The following TRAPPC8 variants were observed in gnomAD, a reference collection of about 807,000 sequenced individuals.
The protein encoded by TRAPPC8 is trafficking protein particle complex subunit 8.
Under a neutral mutation model 174.3 loss-of-function variants are expected in TRAPPC8, and 54 were observed. That is an observed-to-expected ratio of 0.31 (90% CI 0.25 to 0.39). The LOEUF (loss-of-function observed/expected upper bound fraction) is 0.39. TRAPPC8 is among the 10% of genes least tolerant of loss of function. The probability of loss-of-function intolerance (pLI) is 1.00; values close to 1 mark genes in which losing one functional copy is unlikely to be tolerated. For synonymous variants in TRAPPC8, 630 were observed against 579.9 expected (o/e 1.09, Z -1.24); for missense variants, 1,531 against 1,699.1 (o/e 0.90, Z 1.74).
At position 31,862,540 on chromosome 18, in the gene TRAPPC8, T is replaced by C. The variant is rs1242925417; in HGVS notation, c.2745+2087A>G. ...ACTAAAAAACAAAGTTTGAGCCTTA[T>C]CTCTTGACAACCAGAAACTGGCATT... On this transcript the variant is annotated intron_variant, in intron 19 of 28. Coordinates refer to ENST00000283351, the MANE Select transcript of TRAPPC8 (RefSeq NM_014939.5). 2.6e-5 allele frequency among the ~76,000 whole-genome samples: 4 copies of C among 152,130 alleles called. No individual in the cohort carries two copies. In the East Asian group the frequency reaches 7.7e-4, roughly 29 times the overall value.
chr18:31,924,738 C>CAAAAAA (rs398032376), intron 2 of TRAPPC8, among the ~76,000 whole-genome samples: 3 of 91,868 alleles, frequency 3.3e-5, no homozygotes, highest in African/African-American at 8.7e-5. Flanking sequence ...AACTCCGTCT[C>CAAAAAA]AAAAAAAAAA....
At position 31,837,951 on chromosome 18, in the gene TRAPPC8, TA is replaced by T. The variant is rs201699967; in HGVS notation, c.3983+1360del. Among the ~76,000 whole-genome samples, 654 of 136,744 alleles carry T rather than the reference TA, an allele frequency of 4.8e-3. 5 individuals carry two copies. The highest frequency in any genetic ancestry group is 0.017 in the African/African-American group (611 of 36,638). 89.7% of individuals were successfully genotyped at this position (136,744 alleles called of 152,430 possible). A position where few individuals can be genotyped will look rare whatever the true frequency, so the allele number is the denominator to read the frequency against. On this transcript the variant is annotated intron_variant, in intron 27 of 28. Coordinates refer to ENST00000283351, the MANE Select transcript of TRAPPC8 (RefSeq NM_014939.5). ...ATAATCATTTAGGTGTTAGCTTTGTTAAAAAAAAAATCACTTAAAAAAAAAA... is the reference window on the plus strand; with the variant it reads ...ATAATCATTTAGGTGTTAGCTTTGTTAAAAAAAAATCACTTAAAAAAAAAA...
At chr18:31,938,101 C>T (rs1379225750) in intron 1 of TRAPPC8, among the ~76,000 whole-genome samples, 1 of 152,094 alleles carries the variant, frequency 6.6e-6, no homozygotes, top group African/African-American at 2.4e-5. Context: ...TTAAAACTTA[C>T]AGAACATCTA....
intron 9 of TRAPPC8, among the ~76,000 whole-genome samples, chr18:31,905,014 A>AGTGTGTGTGTGTGTGTTTTCCCT (rs1176713061): frequency 6.7e-6 from 1 of 149,650 alleles, no homozygotes; most frequent in African/African-American, 2.4e-5. Flanking sequence ...TGGGCAACAG[A>AGTGTGTGTGTGTGTGTTTTCCCT]GTGAGATTCC....
intron 10 of TRAPPC8, among the ~76,000 whole-genome samples, chr18:31,898,699 T>C (rs1350710066): frequency 2.6e-5 from 4 of 152,270 alleles, no homozygotes. Flanking sequence ...ATTTTAGTTT[T>C]TTTTGTAAAA....
At chr18:31,836,381 T>C (rs1424143305) in intron 27 of TRAPPC8, among the ~76,000 whole-genome samples, 2 of 152,234 alleles carry the variant, frequency 1.3e-5, no homozygotes, top group East Asian at 3.8e-4. Flanking sequence ...CTGTTTCACA[T>C]AGATTCCATA....
intron 26 of TRAPPC8, among the ~76,000 whole-genome samples, chr18:31,841,026 A>G (rs1284160951): frequency 1.3e-5 from 2 of 152,180 alleles, no homozygotes; most frequent in South Asian, 2.1e-4. Flanking sequence ...CCAGAAATCT[A>G]TCCCACAAAA....
At chr18:31,838,162 T>A (rs2032873634) in intron 27 of TRAPPC8, among the ~76,000 whole-genome samples, 1 of 152,122 alleles carries the variant, frequency 6.6e-6, no homozygotes. Context: ...ATATTTTTTC[T>A]CTTAAAGTCA....
intron 19 of TRAPPC8, among the ~76,000 whole-genome samples, chr18:31,861,914 T>A (rs1403526061): frequency 2.0e-5 from 2 of 98,080 alleles, no homozygotes; most frequent in Non-Finnish European, 3.5e-5. Context: ...GACAGAGCGA[T>A]CCCGTCTCCA....
Position 31,942,937 on chromosome 18 carries a change from G to A in TRAPPC8, c.-173C>T, listed in dbSNP as rs1210581819. On this transcript the variant is annotated 5_prime_UTR_variant, in exon 1 of 29. Coordinates refer to ENST00000283351, the MANE Select transcript of TRAPPC8 (RefSeq NM_014939.5). ...AGACGCCGCCGCTTCGGTTTCTGGG[G>A]CACAATCCACTGACCCCCCCCTTCC... 2 of 1,216,372 alleles carry A rather than the reference G, an allele frequency of 1.6e-6. No individual in the cohort carries two copies. Among genetic ancestry groups the A allele is most frequent in the Non-Finnish European group, 2.1e-6 (2 of 971,236 alleles). The allele number at this position is 1,216,372 out of a possible 1,614,324, so 75.3% of individuals were successfully genotyped here.
chr18:31,843,841 TCA>T (rs1188200333), intron 26 of TRAPPC8, among the ~76,000 whole-genome samples: 1 of 152,200 alleles, frequency 6.6e-6, no homozygotes, highest in Non-Finnish European at 1.5e-5. Context: ...CTATTTTCTC[TCA>T]GACAATTTTA....
At chr18:31,913,340 G>T in intron 5 of TRAPPC8, 29 bp downstream of exon 5, 1 of 1,541,204 alleles carries the variant, frequency 6.5e-7, no homozygotes, top group Non-Finnish European at 8.7e-7. Flanking sequence ...TCGTTTTTGT[G>T]GTTTGCTTCA....
intron 19 of TRAPPC8, among the ~76,000 whole-genome samples, chr18:31,861,127 C>G (rs965980252): frequency 6.6e-6 from 1 of 152,154 alleles, no homozygotes; most frequent in African/African-American, 2.4e-5. Flanking sequence ...TCTAAATCCA[C>G]CCCCGCAGAA....
At chr18:31,870,590 T>A (rs1488361679) in intron 15 of TRAPPC8, 88 bp from the exon 16 acceptor site, 1 of 1,399,454 alleles carries the variant, frequency 7.1e-7, no homozygotes, top group East Asian at 2.3e-5. Context: ...CTTGCTTTCA[T>A]AGCTCTGCAT....
intron 13 of TRAPPC8, 67 bp downstream of exon 13, chr18:31,874,413 A>C: frequency 8.0e-7 from 1 of 1,255,188 alleles, no homozygotes; most frequent in Non-Finnish European, 1.1e-6. Context: ...AGATATGGTA[A>C]TAAATAAATA....
chr18:31,858,356 A>C (rs935086129), intron 19 of TRAPPC8, among the ~76,000 whole-genome samples: 7 of 152,194 alleles, frequency 4.6e-5, no homozygotes, highest in African/African-American at 1.7e-4. Flanking sequence ...TCAACTAAAG[A>C]AGCAGCTCAA....
At chr18:31,938,227 T>C (rs2038186792) in intron 1 of TRAPPC8, among the ~76,000 whole-genome samples, 1 of 152,056 alleles carries the variant, frequency 6.6e-6, no homozygotes, top group African/African-American at 2.4e-5. Context: ...ACCACGACTC[T>C]TTGAAACATG....
At position 31,857,993 on chromosome 18, in the gene TRAPPC8, G is replaced by GAAAAT. The variant is rs776113825; in HGVS notation, c.2746-12_2746-11insATTTT. The GAAAAT allele has an allele frequency of 1.9e-6, 3 of 1,561,522 alleles. No homozygotes were observed. The highest frequency in any genetic ancestry group is 2.6e-6 in the Non-Finnish European group (3 of 1,156,730). On this transcript the variant is annotated splice_polypyrimidine_tract_variant and intron_variant, in intron 19 of 28. Coordinates refer to ENST00000283351, the MANE Select transcript of TRAPPC8 (RefSeq NM_014939.5). The stretch of plus-strand genomic sequence containing the variant: ...ATGTATAAAGAACACCTGCATTGGA[G>GAAAAT]GGAAAAAATATTATTATTTGTCTGT...
At chr18:31,855,572 T>A (rs189907952) in intron 21 of TRAPPC8, 88 bp downstream of exon 21, 13 of 1,161,350 alleles carry the variant, frequency 1.1e-5, no homozygotes, top group Non-Finnish European at 1.6e-5. Flanking sequence ...TTATGCTGTC[T>A]TGTAAAGGAA....
Sources: allele counts gnomAD v4.1 joint callset (sites outside exome capture counted in the v4.1 genomes callset), GRCh38; gene constraint gnomAD v4.1.1; transcripts MANE v1.5; gene names NCBI Gene and HGNC (gene_info 2026-07-23, HGNC 2026-07-21).